Variants in MGAT3 observed in about 807,000 individuals in gnomAD.
MGAT3 encodes the protein GlcNAc-T III.
A neutral mutation model predicts 29.8 loss-of-function variants in MGAT3; 9 were observed. The ratio of observed to expected loss-of-function variants is 0.30; its 90% CI spans 0.18 to 0.53. The LOEUF is 0.53. MGAT3 is among the 20% of genes least tolerant of loss of function. The pLI is 0.96. For synonymous variants in MGAT3, 397 were observed against 348.9 expected (o/e 1.14, Z -1.54); for missense variants, 557 against 769.5 (o/e 0.72, Z 3.27).
At chr22:39,477,451 ACCT>A (rs1465894550) in intron 1 of MGAT3, 2 of 151,924 alleles carry the variant, frequency 1.3e-5, no homozygotes, top group African/African-American at 4.8e-5. Flanking sequence ...TGTCTTTGTT[ACCT>A]TTCTTAAAGG....
chr22:39,470,912 G>T (rs1928791133), intron 1 of MGAT3, among the ~76,000 whole-genome samples: 1 of 152,212 alleles, frequency 6.6e-6, no homozygotes, highest in Admixed American at 6.5e-5. Context: ...ACTCCAGAGA[G>T]CTATGGCCCC....
Position 39,487,393 on chromosome 22 carries a change from G to A in MGAT3, c.46G>A (p.Gly16Ser). 6.2e-7 allele frequency: 1 copy of A among 1,613,462 alleles called. No homozygotes were observed. Among genetic ancestry groups the A allele is most frequent in the Admixed American group, 1.7e-5 (1 of 59,968 alleles). The change falls in exon 2 of 2, where the codon GGC (glycine) becomes AGC (serine). Residue 16 changes from glycine to serine, a missense_variant. This residue lies in a region of MGAT3 where 212 missense variants were observed against 228.5 expected (regional missense o/e 0.93). Transcript: ENST00000341184. The surrounding 1 kb of genome is among the most constrained non-coding windows in gnomAD (Gnocchi z 5.7). ...YKLFLMFCMA[G>S]LCLISFLHFF... ...GCTCTTTCTCATGTTCTGTATGGCC[G>A]GCCTGTGCCTCATCTCCTTCCTGCA...
intron 1 of MGAT3, among the ~76,000 whole-genome samples, chr22:39,463,293 C>G (rs955175972): frequency 6.6e-6 from 1 of 152,208 alleles, no homozygotes; most frequent in Admixed American, 6.5e-5. Flanking sequence ...AGTTGGGGGT[C>G]CACAGCTGGG....
chr22:39,457,820 C>T lies in MGAT3; in HGVS notation c.-2+263C>T, dbSNP rs1026335893. Among the ~76,000 whole-genome samples the T allele has an allele frequency of 2.2e-4, 33 of 151,398 alleles. No homozygotes were observed. Among genetic ancestry groups the T allele is most frequent in the Non-Finnish European group, 4.1e-4 (28 of 67,636 alleles). Reference sequence around the variant, plus strand: ...CCCCGGTCCCCGGAGGGCAGAGCCTCAGCGCCCGACCCCCTCCCACGGCCG... The same window carrying T: ...CCCCGGTCCCCGGAGGGCAGAGCCTTAGCGCCCGACCCCCTCCCACGGCCG... On this transcript the variant is annotated intron_variant, in intron 1 of 1. Transcript: ENST00000341184. The surrounding 1 kb of genome is among the most constrained non-coding windows in gnomAD (Gnocchi z 6.8).
chr22:39,483,075 C>G (rs1280553580), intron 1 of MGAT3, among the ~76,000 whole-genome samples: 2 of 152,224 alleles, frequency 1.3e-5, no homozygotes, highest in Non-Finnish European at 2.9e-5. Flanking sequence ...TTTGCTAAAG[C>G]CTTTGTTCAT....
intron 1 of MGAT3, among the ~76,000 whole-genome samples, chr22:39,486,442 G>A (rs991174229): frequency 6.6e-6 from 1 of 151,914 alleles, no homozygotes; most frequent in Non-Finnish European, 1.5e-5. Flanking sequence ...TGCACTGGCC[G>A]ACCTCAAATT....
Position 39,484,069 on chromosome 22 carries a change from G to A in MGAT3, c.-1-3278G>A, listed in dbSNP as rs553127024. ...ACCTGGTGCAGGAGCCCAGCTGCCC[G>A]GTTCACACTCCAGCTCTGTTGTGAC... On this transcript the variant is annotated intron_variant, in intron 1 of 1. Coordinates refer to ENST00000341184, the MANE Select transcript of MGAT3 (RefSeq NM_002409.5). Among the ~76,000 whole-genome samples, 62 of 152,306 alleles carry A rather than the reference G, an allele frequency of 4.1e-4. No individual in the cohort carries two copies. The South Asian group carries it at 4.8e-3, about 12-fold the overall frequency.
intron 1 of MGAT3, among the ~76,000 whole-genome samples, chr22:39,474,915 C>T (rs1023991610): frequency 1.3e-5 from 2 of 152,118 alleles, no homozygotes; most frequent in Non-Finnish European, 2.9e-5. Flanking sequence ...CTGGGACATC[C>T]GCCCTCTGCT....
intron 1 of MGAT3, among the ~76,000 whole-genome samples, chr22:39,460,547 C>G (rs1036854516): frequency 1.1e-4 from 16 of 152,266 alleles, no homozygotes; most frequent in African/African-American, 3.9e-4. Context: ...CCTGTAATCC[C>G]AACAGTTTGG....
rs529205977 is a variant in MGAT3, at chr22:39,463,403, AGGG to A, written c.-2+5847_-2+5849del. ...TCCTTCTCTCCCGTGGGCTCCCAGC[AGGG>A]CCTGTTCCCTGAGGCTTGGAGCCCT... is the stretch of plus-strand genomic sequence containing the variant. On this transcript the variant is annotated intron_variant, in intron 1 of 1. Coordinates refer to ENST00000341184, the MANE Select transcript of MGAT3 (RefSeq NM_002409.5). Among the ~76,000 whole-genome samples, 28 of 152,308 alleles carry A rather than the reference AGGG, an allele frequency of 1.8e-4. No homozygotes were observed. In the South Asian group the frequency reaches 5.8e-3, roughly 32 times the overall value.
At chr22:39,473,751 C>T (rs1242610210) in intron 1 of MGAT3, among the ~76,000 whole-genome samples, 1 of 148,646 alleles carries the variant, frequency 6.7e-6, no homozygotes, top group Non-Finnish European at 1.5e-5. Flanking sequence ...CATGGGACCC[C>T]TCGCTTGCTT....
In MGAT3 at chr22:39,488,044, G is replaced by A. The variant is rs868466572; in HGVS notation, c.697G>A (p.Asp233Asn). The A allele has an allele frequency of 6.2e-7, 1 of 1,613,342 alleles. No individual in the cohort carries two copies. The highest frequency in any genetic ancestry group is 1.1e-5 in the South Asian group (1 of 91,080). ...VRFHELGDVV[D>N]AFVVCESNFT... Reference sequence around the variant, plus strand: ...CTTCCACGAGCTGGGCGACGTGGTGGACGCCTTTGTGGTGTGCGAGTCCAA... The same window carrying A: ...CTTCCACGAGCTGGGCGACGTGGTGAACGCCTTTGTGGTGTGCGAGTCCAA... Residue 233 changes from aspartate to asparagine, a missense_variant, in exon 2 of 2, where the codon GAC (aspartate) becomes AAC (asparagine). Around this residue, in one of 3 missense-constraint regions of MGAT3, gnomAD observed 243 missense variants for 444.0 expected, o/e 0.55. Transcript: ENST00000341184.
chr22:39,467,041 C>T (rs28670891), intron 1 of MGAT3, among the ~76,000 whole-genome samples: 5,916 of 152,320 alleles, frequency 0.039, 158 homozygotes, highest in Non-Finnish European at 0.06. Flanking sequence ...TCAGGGTGGG[C>T]GGCTTGCAGT....
intron 1 of MGAT3, among the ~76,000 whole-genome samples, chr22:39,471,472 A>G (rs907451518): frequency 6.6e-6 from 1 of 152,042 alleles, no homozygotes; most frequent in African/African-American, 2.4e-5. Flanking sequence ...CTGCCCAATT[A>G]ATAATTACAG....
intron 1 of MGAT3, among the ~76,000 whole-genome samples, chr22:39,484,713 A>G (rs1929222082): frequency 6.6e-6 from 1 of 150,988 alleles, no homozygotes; most frequent in Non-Finnish European, 1.5e-5. Context: ...GTCCTTAAAA[A>G]GTAGGGAGGC....
chr22:39,475,963 T>TAAAAC (rs1928947908), intron 1 of MGAT3: 1 of 152,128 alleles, frequency 6.6e-6, no homozygotes, highest in Non-Finnish European at 1.5e-5. Context: ...ACAAAAACAT[T>TAAAAC]ATGGAATGAG....
chr22:39,482,220 C>T (rs1929149267), intron 1 of MGAT3, among the ~76,000 whole-genome samples: 1 of 149,816 alleles, frequency 6.7e-6, no homozygotes, highest in African/African-American at 2.5e-5. Flanking sequence ...CTCCCGGACT[C>T]AAGCAATCTG....
intron 1 of MGAT3, among the ~76,000 whole-genome samples, chr22:39,467,698 TCAGA>T (rs1241692364): frequency 3.3e-5 from 5 of 151,330 alleles, no homozygotes; most frequent in South Asian, 4.2e-4. Context: ...TTCTTTTCTT[TCAGA>T]CAGAGTCTGG....
intron 1 of MGAT3, among the ~76,000 whole-genome samples, chr22:39,470,377 G>A (rs747960002): frequency 6.6e-6 from 1 of 152,212 alleles, no homozygotes; most frequent in Non-Finnish European, 1.5e-5. Context: ...GGCCATGCCT[G>A]AAGAGTGTAG....
Sources: allele counts gnomAD v4.1 joint callset (sites outside exome capture counted in the v4.1 genomes callset), GRCh38; gene constraint gnomAD v4.1.1; regional missense constraint gnomAD v4.1.1; non-coding constraint Gnocchi (gnomAD v3.1); transcripts MANE v1.5; gene names NCBI Gene and HGNC (gene_info 2026-07-23, HGNC 2026-07-21).